Variants in MYH13 observed in about 807,000 individuals in gnomAD.
MYH13 encodes myosin heavy chain 13, also known as myosin-13.
In MYH13, 177 loss-of-function variants were observed where a neutral mutation model predicts 232.1. The observed-to-expected ratio is 0.76, with a 90% CI of 0.67 to 0.86. The LOEUF is 0.86. Among genes scored for constraint, MYH13 ranks in the 40% least tolerant of loss-of-function variants. The pLI is 0.00. For missense variants in MYH13, 2,246 were observed against 2,405.9 expected (o/e 0.93, Z 1.39); for synonymous variants, 884 against 923.5 (o/e 0.96, Z 0.78).
rs1306389569 is a variant in MYH13, at chr17:10,316,026, C to A, written c.3739-1G>T. On this transcript the variant is annotated splice_acceptor_variant, in intron 27 of 40. Coordinates refer to ENST00000252172, the MANE Select transcript of MYH13 (RefSeq NM_003802.3). LOFTEE classifies it high-confidence loss of function. Reference sequence around the variant, plus strand: ...TCCGGCACGTTCTTTCTATGTTACTCTTTAACAAACAGAAAGTCAACACGA... The same window carrying A: ...TCCGGCACGTTCTTTCTATGTTACTATTTAACAAACAGAAAGTCAACACGA... 2 of 1,613,972 alleles carry A rather than the reference C, an allele frequency of 1.2e-6. No individual in the cohort carries two copies. Among genetic ancestry groups the A allele is most frequent in the Admixed American group, 1.7e-5 (1 of 60,014 alleles).
Position 10,309,558 on chromosome 17 carries a change from G to A in MYH13, c.4929C>T (p.Thr1643=). The change falls in exon 34 of 41, where the codon ACC becomes ACT. Residue 1643 remains threonine, a synonymous_variant. Transcript: ENST00000252172. ...CCTGGACCGTGCGCAGATGCTTCTG[G>A]GTCTCTGCCATCTGGCGGTTGGAGT... The part of the protein sequence containing the change: ...LGHSNRQMAE[T]QKHLRTVQGQ... 1 of 1,612,732 alleles carries A rather than the reference G, an allele frequency of 6.2e-7. No homozygotes were observed. Among genetic ancestry groups the A allele is most frequent in the Non-Finnish European group, 8.5e-7 (1 of 1,179,528 alleles).
chr17:10,345,402 G>T, intron 14 of MYH13, 30 bp from the exon 15 acceptor site: 1 of 1,614,220 alleles, frequency 6.2e-7, no homozygotes, highest in Non-Finnish European at 8.5e-7. Context: ...AAGAATTTGA[G>T]TGAGCTTGGA....
At chr17:10,343,131 G>A (rs1453125569) in intron 16 of MYH13, among the ~76,000 whole-genome samples, 1 of 150,212 alleles carries the variant, frequency 6.7e-6, no homozygotes, top group African/African-American at 2.4e-5. Flanking sequence ...GGGTTACGGG[G>A]GTGTGAAAAA....
chr17:10,347,413 C>T (rs58577190), intron 12 of MYH13, among the ~76,000 whole-genome samples: 147 of 152,130 alleles, frequency 9.7e-4, no homozygotes, highest in African/African-American at 3.3e-3. Flanking sequence ...TCTGACAATA[C>T]GTTAAAATGT....
At position 10,321,708 on chromosome 17, in the gene MYH13, C is replaced by T. The variant is rs762047681; in HGVS notation, c.2935G>A (p.Val979Ile). 2.1e-5 allele frequency: 34 copies of T among 1,611,418 alleles called. No individual in the cohort carries two copies. The highest frequency in any genetic ancestry group is 2.7e-5 in the Non-Finnish European group (32 of 1,178,604). Residue 979 changes from valine to isoleucine, a missense_variant and splice_region_variant, in exon 24 of 41, where the codon GTA (valine) becomes ATA (isoleucine). Transcript: ENST00000252172. ...GTCATTTCTTCGGAAAGATTCTTTA[C>T]CTGGGACAATATTAACACCGATTTA... is the stretch of plus-strand genomic sequence containing the variant. The part of the protein sequence containing the change: ...EKEKHATENK[V>I]KNLSEEMTAL...
chr17:10,323,381 C>A (rs1344857839), intron 23 of MYH13, among the ~76,000 whole-genome samples: 1 of 152,106 alleles, frequency 6.6e-6, no homozygotes, highest in Non-Finnish European at 1.5e-5. Flanking sequence ...AATCCCTGTG[C>A]TTGGTGCTAT....
chr17:10,327,924 T>C lies in MYH13; in HGVS notation c.2633A>G (p.Glu878Gly). 6.2e-7 allele frequency: 1 copy of C among 1,613,936 alleles called. No homozygotes were observed. The highest frequency in any genetic ancestry group is 8.5e-7 in the Non-Finnish European group (1 of 1,179,946). ...ARSEARRKEL[E>G]EKMVSLLQEK... is the part of the protein sequence containing the mutation. ...CTGCAGGAGGGAGACCATTTTCTCC[T>C]CCAGCTCCTTCCGGCGAGCCTCAGA... The change falls in exon 22 of 41, where the codon GAG becomes GGG. Residue 878 changes from glutamate (E) to glycine (G), a missense_variant. By Grantham distance (98) the Glu-to-Gly change is moderately conservative. Transcript: ENST00000252172.
intron 2 of MYH13, among the ~76,000 whole-genome samples, chr17:10,370,754 G>T (rs956069542): frequency 6.6e-6 from 1 of 152,170 alleles, no homozygotes; most frequent in Non-Finnish European, 1.5e-5. Flanking sequence ...GTTTTAAGGG[G>T]ATAGGGTTTT....
At chr17:10,355,243 G>T in intron 8 of MYH13, 96 bp from the exon 9 acceptor site, 1 of 1,281,690 alleles carries the variant, frequency 7.8e-7, no homozygotes, top group Non-Finnish European at 1.1e-6. Context: ...AATTATAAAT[G>T]CAAAAATGCT....
At chr17:10,317,449 G>C (rs1906758739) in intron 27 of MYH13, 1 of 152,494 alleles carries the variant, frequency 6.6e-6, no homozygotes, top group Non-Finnish European at 1.5e-5. Flanking sequence ...GGGCGCTGGA[G>C]AGACCACTCT....
rs528375194 is a variant in MYH13, at chr17:10,337,110, T to A, written c.2056+3040A>T. ...TTGTATTTTTAGTTGAGACAGGGTTTCGCCATGTTAGGCTGGTCTCAAACT... is the reference window on the plus strand; with the variant it reads ...TTGTATTTTTAGTTGAGACAGGGTTACGCCATGTTAGGCTGGTCTCAAACT... On this transcript the variant is annotated intron_variant, in intron 18 of 40. Transcript: ENST00000252172. 2.8e-3 allele frequency among the ~76,000 whole-genome samples: 433 copies of A among 152,228 alleles called. 3 individuals carry two copies. The highest frequency in any genetic ancestry group is 0.01 in the African/African-American group (420 of 41,536).
chr17:10,333,038 G>A (rs1470098394), intron 19 of MYH13, 36 bp downstream of exon 19: 19 of 1,464,406 alleles, frequency 1.3e-5, no homozygotes, highest in South Asian at 3.6e-5. Flanking sequence ...AGGTGCCCTC[G>A]GAAGGAGAGA....
Position 10,350,600 on chromosome 17 carries a change from T to C in MYH13, c.1100A>G (p.Lys367Arg), listed in dbSNP as rs772702280. 2 of 1,613,700 alleles carry C rather than the reference T, an allele frequency of 1.2e-6. No individual in the cohort carries two copies. The highest frequency in any genetic ancestry group is 2.7e-5 in the African/African-American group (2 of 74,848). Reference protein sequence around the residue: ...AVMHYGNMKFKQKQREEQAEP... With the variant: ...AVMHYGNMKFRQKQREEQAEP... ...CGCCTGCTCCTCACGCTGCTTCTGC[T>C]TGAACTTCATGTTCCCATAATGCAT... Residue 367 changes from lysine to arginine, a missense_variant, in exon 12 of 41, where the codon AAG becomes AGG. By Grantham distance (26) the Lys-to-Arg change is conservative. Coordinates refer to ENST00000252172, the MANE Select transcript of MYH13 (RefSeq NM_003802.3).
In MYH13 at chr17:10,311,240, G is replaced by A; in HGVS notation, c.4532-13C>T. ...TCGGAAATCTCTTCTGCAAAGGACA[G>A]GCTTGATTTAGGCTGTTTCAACAGG... is the stretch of plus-strand genomic sequence containing the variant. On this transcript the variant is annotated splice_polypyrimidine_tract_variant and intron_variant, in intron 32 of 40. Transcript: ENST00000252172. 6.2e-7 allele frequency: 1 copy of A among 1,613,784 alleles called. No homozygotes were observed. Among genetic ancestry groups the A allele is most frequent in the Non-Finnish European group, 8.5e-7 (1 of 1,179,856 alleles).
At chr17:10,346,601 C>T in intron 13 of MYH13, 79 bp downstream of exon 13, 2 of 1,121,176 alleles carry the variant, frequency 1.8e-6, no homozygotes, top group South Asian at 1.4e-5. Context: ...TTTCTGATAC[C>T]TGCAACTGAA....
At chr17:10,327,799 C>CA in intron 22 of MYH13, 67 bp downstream of exon 22, 3 of 1,572,244 alleles carry the variant, frequency 1.9e-6, no homozygotes, top group African/African-American at 2.8e-5. Flanking sequence ...ATGGCGCCCT[C>CA]AATGTTCCTC....
chr17:10,355,446 T>G (rs940698855), intron 8 of MYH13, among the ~76,000 whole-genome samples: 2 of 152,112 alleles, frequency 1.3e-5, no homozygotes, highest in African/African-American at 4.8e-5. Flanking sequence ...TGTCTCTCAG[T>G]TCATAAACTC....
At chr17:10,335,262 A>G (rs765877909) in intron 18 of MYH13, among the ~76,000 whole-genome samples, 1 of 152,240 alleles carries the variant, frequency 6.6e-6, no homozygotes, top group Non-Finnish European at 1.5e-5. Flanking sequence ...GGCTATGTGT[A>G]TAAGACCCAT....
Position 10,315,992 on chromosome 17 carries a change from C to T in MYH13, c.3772G>A (p.Asp1258Asn), listed in dbSNP as rs1906697335. ...NIERTCRTVEDQFSEIKAKDE... is the reference protein window; with the variant it reads ...NIERTCRTVENQFSEIKAKDE... Reference sequence around the variant, plus strand: ...TTGGCTTTGATTTCACTAAATTGATCTTCTACCGTCCGGCACGTTCTTTCT... The same window carrying T: ...TTGGCTTTGATTTCACTAAATTGATTTTCTACCGTCCGGCACGTTCTTTCT... The change falls in exon 28 of 41, where the codon GAT (aspartate) becomes AAT (asparagine). Residue 1258 changes from aspartate to asparagine, a missense_variant. Physicochemically the swap from Asp to Asn is conservative, Grantham distance 23. Transcript: ENST00000252172. 1.9e-6 allele frequency: 3 copies of T among 1,614,012 alleles called. No individual in the cohort carries two copies. In the South Asian group the frequency reaches 3.3e-5, roughly 18 times the overall value.
Sources: gnomAD v4.1 joint callset for allele counts (sites outside exome capture counted in the v4.1 genomes callset) on GRCh38, gnomAD v4.1.1 for gene constraint, MANE v1.5 for transcripts, NCBI Gene and HGNC (gene_info 2026-07-23, HGNC 2026-07-21) for gene names.